Variants in SORCS1 observed in about 807,000 individuals in gnomAD.
SORCS1 encodes the protein VPS10 domain-containing receptor SorCS1.
SORCS1 carries 60 observed loss-of-function variants against 146.1 expected under a neutral mutation model. That is an observed-to-expected ratio of 0.41 (90% CI 0.33 to 0.51). The LOEUF (loss-of-function observed/expected upper bound fraction) is 0.51. Among genes scored for constraint, SORCS1 ranks in the 20% least tolerant of loss-of-function variants. The pLI is 0.21. For synonymous variants in SORCS1, 637 were observed against 584.0 expected (o/e 1.09, Z -1.31); for missense variants, 1,352 against 1,487.6 (o/e 0.91, Z 1.50).
At chr10:107,119,457 A>G (rs1460723598) in intron 1 of SORCS1, among the ~76,000 whole-genome samples, 1 of 152,226 alleles carries the variant, frequency 6.6e-6, no homozygotes, top group Admixed American at 6.5e-5. Flanking sequence ...TAATACAAAC[A>G]TGGGATTTGT....
intron 17 of SORCS1, among the ~76,000 whole-genome samples, chr10:106,658,854 GA>G (rs1024902577): frequency 2.6e-5 from 4 of 152,148 alleles, no homozygotes; most frequent in African/African-American, 9.7e-5. Flanking sequence ...AACTGCTTCT[GA>G]AAAAGCAGTA....
intron 5 of SORCS1, among the ~76,000 whole-genome samples, chr10:106,741,613 A>T (rs1012349333): frequency 2.0e-5 from 3 of 151,502 alleles, no homozygotes; most frequent in African/African-American, 4.9e-5. Flanking sequence ...AAATAATAAT[A>T]ATTATATATA....
chr10:106,944,642 G>A (rs1004707893), intron 2 of SORCS1, among the ~76,000 whole-genome samples: 8 of 152,110 alleles, frequency 5.3e-5, no homozygotes, highest in South Asian at 2.1e-4. Flanking sequence ...ATGTATGTAC[G>A]TATTTATACA....
At chr10:106,837,326 C>G (rs564891091) in intron 2 of SORCS1, among the ~76,000 whole-genome samples, 1 of 152,148 alleles carries the variant, frequency 6.6e-6, no homozygotes, top group East Asian at 1.9e-4. Context: ...AAGTCTCACT[C>G]CCTTCAAAAG....
chr10:106,913,088 A>AC (rs397797292), intron 2 of SORCS1, among the ~76,000 whole-genome samples: 3 of 151,644 alleles, frequency 2.0e-5, no homozygotes, highest in Non-Finnish European at 4.4e-5. Flanking sequence ...AAAAAAAAAA[A>AC]CGCAAGGCTT....
At position 106,675,150 on chromosome 10, in the gene SORCS1, A is replaced by T. The variant is rs1463735240; in HGVS notation, c.1839T>A (p.Ser613Arg). 2 of 1,611,626 alleles carry T rather than the reference A, an allele frequency of 1.2e-6. No individual in the cohort carries two copies. The highest frequency in any genetic ancestry group is 1.7e-6 in the Non-Finnish European group (2 of 1,178,210). ...TGCTCCAAGATCTCCCTTCATCAAA[A>T]CTCAACCTAATGATATAAAAAATAT... Reference protein sequence around the residue: ...TSLPIRHLWLSFDEGRSWSKY... With the variant: ...TSLPIRHLWLRFDEGRSWSKY... Residue 613 changes from serine (S) to arginine (R), a missense_variant, in exon 14 of 26, where the codon AGT becomes AGA. This residue lies in a region of SORCS1 where 648 missense variants were observed against 793.8 expected (regional missense o/e 0.82). Transcript: ENST00000263054.
intron 9 of SORCS1, among the ~76,000 whole-genome samples, chr10:106,693,499 A>C (rs759921260): frequency 2.0e-5 from 3 of 152,230 alleles, no homozygotes; most frequent in Non-Finnish European, 4.4e-5. Flanking sequence ...TATTTTATTC[A>C]GTCGTTAGTA....
chr10:106,910,886 C>T (rs568226236), intron 2 of SORCS1, among the ~76,000 whole-genome samples: 2 of 152,308 alleles, frequency 1.3e-5, no homozygotes, highest in East Asian at 3.9e-4. Context: ...AGCCGTTAAT[C>T]ATTGCTTAAT....
chr10:107,097,702 C>A (rs1414164583), intron 1 of SORCS1, among the ~76,000 whole-genome samples: 2 of 152,220 alleles, frequency 1.3e-5, no homozygotes, highest in Non-Finnish European at 2.9e-5. Context: ...CGATTCTGGT[C>A]ACCAAACTCT....
intron 6 of SORCS1, among the ~76,000 whole-genome samples, chr10:106,710,616 T>G (rs1854911064): frequency 6.6e-6 from 1 of 152,080 alleles, no homozygotes; most frequent in Non-Finnish European, 1.5e-5. Context: ...TCAGGGAGGC[T>G]ATTCCTGTTT....
intron 2 of SORCS1, among the ~76,000 whole-genome samples, chr10:106,882,723 AAAAC>A (rs1332308204): frequency 2.0e-5 from 3 of 152,162 alleles, no homozygotes; most frequent in Admixed American, 2.0e-4. Context: ...CAAAAACACA[AAAAC>A]AAAACCAAAA....
intron 1 of SORCS1, among the ~76,000 whole-genome samples, chr10:107,005,127 G>A (rs1011829414): frequency 3.3e-5 from 5 of 152,256 alleles, no homozygotes; most frequent in Middle Eastern, 3.4e-3. Context: ...AAAGATCTCC[G>A]CATAAGGGAA....
chr10:106,984,084 T>C (rs781680922), intron 1 of SORCS1, among the ~76,000 whole-genome samples: 3 of 152,240 alleles, frequency 2.0e-5, no homozygotes, highest in Non-Finnish European at 4.4e-5. Context: ...ATACACGTTA[T>C]GTATCACAGG....
At chr10:106,708,764 G>C (rs1383894713) in intron 7 of SORCS1, among the ~76,000 whole-genome samples, 1 of 152,112 alleles carries the variant, frequency 6.6e-6, no homozygotes, top group Non-Finnish European at 1.5e-5. Flanking sequence ...CCACCCCACA[G>C]CTTCCCTTCC....
At position 107,164,396 on chromosome 10, in the gene SORCS1, C is replaced by A; in HGVS notation, c.131G>T (p.Ser44Ile). The change falls in exon 1 of 26, where the codon AGC becomes ATC. Residue 44 changes from serine to isoleucine, a missense_variant. This residue lies in a region of SORCS1 where 490 missense variants were observed against 489.1 expected (regional missense o/e 1.00). Coordinates refer to ENST00000263054, the MANE Select transcript of SORCS1 (RefSeq NM_052918.5). This position sits in a 1 kb window ranked among gnomAD's most constrained non-coding sequence, Gnocchi z 6.8. ...GGSCCPSPHP[S>I]SAPRSASTPR... Reference sequence around the variant, plus strand: ...GGTCGAGGCCGAGCGTGGAGCGGAGCTGGGGTGCGGCGAGGGGCAGCAGGA... The same window carrying A: ...GGTCGAGGCCGAGCGTGGAGCGGAGATGGGGTGCGGCGAGGGGCAGCAGGA... 1 of 1,437,340 alleles carries A rather than the reference C, an allele frequency of 7.0e-7. No individual in the cohort carries two copies. Among genetic ancestry groups the A allele is most frequent in the Admixed American group, 2.8e-5 (1 of 35,388 alleles). 89.0% of individuals were successfully genotyped at this position (1,437,340 alleles called of 1,614,324 possible). A position where few individuals can be genotyped will look rare whatever the true frequency, so the allele number is the denominator to read the frequency against.
rs575048341 is a variant in SORCS1, at chr10:106,777,027, T to A, written c.727-335A>T. 5.3e-5 allele frequency among the ~76,000 whole-genome samples: 8 copies of A among 152,346 alleles called. No homozygotes were observed. In the South Asian group the frequency reaches 1.7e-3, roughly 32 times the overall value. ...CTTACCCTTCTTCCCTTCTTCCTAC[T>A]GTGCCTTATGCACTTTCCATTTTGG... On this transcript the variant is annotated intron_variant, in intron 3 of 25. Transcript: ENST00000263054.
chr10:106,963,689 C>T (rs915720645), intron 1 of SORCS1, among the ~76,000 whole-genome samples: 1 of 151,932 alleles, frequency 6.6e-6, no homozygotes, highest in African/African-American at 2.4e-5. Context: ...GCCATACATC[C>T]AAGAATAAGA....
chr10:106,592,233 A>G (rs1477791475), intron 24 of SORCS1, among the ~76,000 whole-genome samples: 1 of 152,238 alleles, frequency 6.6e-6, no homozygotes, highest in African/African-American at 2.4e-5. Context: ...ATGAAAACCA[A>G]GAACCACAGG....
intron 24 of SORCS1, among the ~76,000 whole-genome samples, chr10:106,594,403 G>T (rs1845788433): frequency 6.6e-6 from 1 of 152,178 alleles, no homozygotes; most frequent in South Asian, 2.1e-4. Context: ...TCAGATCTGG[G>T]TAATTAACAT....
Sources: gnomAD v4.1 joint callset for allele counts (sites outside exome capture counted in the v4.1 genomes callset) on GRCh38, gnomAD v4.1.1 for gene constraint, gnomAD v4.1.1 regional missense constraint, Gnocchi (gnomAD v3.1) non-coding constraint, MANE v1.5 for transcripts, NCBI Gene and HGNC (gene_info 2026-07-23, HGNC 2026-07-21) for gene names.